The following ANGPT1 variants were observed in gnomAD, a reference collection of about 807,000 sequenced individuals.
ANGPT1 encodes angiopoietin-1.
Under a neutral mutation model 62.2 loss-of-function variants are expected in ANGPT1, and 17 were observed. The observed-to-expected ratio is 0.27, with a 90% CI of 0.19 to 0.41. ANGPT1 has a LOEUF of 0.41. Ranked by LOEUF, ANGPT1 falls within the 10% of genes least tolerant of loss-of-function variation. The pLI, the probability that ANGPT1 is intolerant of heterozygous loss-of-function variation, is 1.00. For synonymous variants in ANGPT1, 199 were observed against 198.9 expected, an observed-to-expected ratio of 1.00 and a Z score of 0.00; for missense variants, 478 against 594.9, an observed-to-expected ratio of 0.80 and a Z score of 2.04.
At chr8:107,382,342 A>T (rs1020672355) in intron 1 of ANGPT1, among the ~76,000 whole-genome samples, 4 of 152,110 alleles carry the variant, frequency 2.6e-5, no homozygotes, top group Non-Finnish European at 5.9e-5. Flanking sequence ...TTTTAGATAC[A>T]TCACATACAA....
At chr8:107,386,819 T>A (rs2130290684) in intron 1 of ANGPT1, among the ~76,000 whole-genome samples, 1 of 152,238 alleles carries the variant, frequency 6.6e-6, no homozygotes, top group South Asian at 2.1e-4. Context: ...AACTAGTTAA[T>A]ACAATTTGCA....
intron 1 of ANGPT1, among the ~76,000 whole-genome samples, chr8:107,390,941 G>T (rs1238213462): frequency 6.6e-6 from 1 of 152,012 alleles, no homozygotes; most frequent in Non-Finnish European, 1.5e-5. Flanking sequence ...CGGAGGGACA[G>T]AACTCCATTA....
At chr8:107,305,416 C>A (rs1425911751) in intron 4 of ANGPT1, among the ~76,000 whole-genome samples, 1 of 151,848 alleles carries the variant, frequency 6.6e-6, no homozygotes, top group African/African-American at 2.4e-5. Context: ...TCTTGTCTGC[C>A]ATCTCTCCTC....
At chr8:107,419,507 T>C (rs1208325187) in intron 1 of ANGPT1, among the ~76,000 whole-genome samples, 2 of 152,312 alleles carry the variant, frequency 1.3e-5, no homozygotes, top group East Asian at 1.9e-4. Context: ...CCACTCTTCA[T>C]CAACCTAAGC....
chr8:107,420,632 T>C (rs1242951704), intron 1 of ANGPT1, among the ~76,000 whole-genome samples: 2 of 152,120 alleles, frequency 1.3e-5, no homozygotes, highest in African/African-American at 4.8e-5. Context: ...ATACTCTCCT[T>C]ATCAACCCTG....
chr8:107,401,886 A>G (rs575236325), intron 1 of ANGPT1, among the ~76,000 whole-genome samples: 1 of 152,338 alleles, frequency 6.6e-6, no homozygotes, highest in African/African-American at 2.4e-5. Flanking sequence ...ATTCACGATC[A>G]GTGCTCAAAA....
At chr8:107,309,467 G>C (rs1814797682) in intron 4 of ANGPT1, among the ~76,000 whole-genome samples, 1 of 152,144 alleles carries the variant, frequency 6.6e-6, no homozygotes, top group South Asian at 2.1e-4. Flanking sequence ...ATTTCATAGA[G>C]AAAACATTTT....
At chr8:107,356,560 A>G (rs1182608855) in intron 1 of ANGPT1, among the ~76,000 whole-genome samples, 3 of 152,232 alleles carry the variant, frequency 2.0e-5, no homozygotes, top group African/African-American at 7.2e-5. Flanking sequence ...TATAAAAAAA[A>G]ATAGCCTTAT....
chr8:107,353,937 TACTC>T (rs755593430), intron 1 of ANGPT1, among the ~76,000 whole-genome samples: 1 of 152,110 alleles, frequency 6.6e-6, no homozygotes, highest in Non-Finnish European at 1.5e-5. Flanking sequence ...GGATGTTTGT[TACTC>T]AGCCTCCAAA....
At chr8:107,264,385 CATTCGACAGAAT>C (rs1428850823) in intron 7 of ANGPT1, 34 bp from the exon 8 acceptor site, 1 of 1,604,152 alleles carries the variant, frequency 6.2e-7, no homozygotes, top group Non-Finnish European at 8.5e-7. Context: ...AAAGATAAGC[CATTCGACAGAAT>C]AACAGAACCC....
At position 107,251,893 on chromosome 8, in the gene ANGPT1, G is replaced by A. The variant is rs771962601; in HGVS notation, c.1459C>T (p.Arg487Cys). ...HYFKGPSYSL[R>C]STTMMIRPLD... Reference sequence around the variant, plus strand: ...GGTCGAATCATCATAGTTGTGGAACGTAAGGAGTAACTGGGCCCTTTGAAG... The same window carrying A: ...GGTCGAATCATCATAGTTGTGGAACATAAGGAGTAACTGGGCCCTTTGAAG... The change falls in exon 9 of 9, where the codon CGT becomes TGT. Residue 487 changes from arginine (R) to cysteine (C), a missense_variant. Arg to Cys is a radical substitution (Grantham distance 180). Around this residue, in one of 4 missense-constraint regions of ANGPT1, gnomAD observed 35 missense variants for 49.6 expected, o/e 0.71. Coordinates refer to ENST00000517746, the MANE Select transcript of ANGPT1 (RefSeq NM_001146.5). 8.7e-6 allele frequency: 14 copies of A among 1,613,816 alleles called. No homozygotes were observed. The East Asian group carries it at 8.9e-5, about 10-fold the overall frequency.
At position 107,392,119 on chromosome 8, in the gene ANGPT1, ACTTT is replaced by A. The variant is rs1816847783; in HGVS notation, c.298-45026_298-45023del. On this transcript the variant is annotated intron_variant, in intron 1 of 8. Coordinates refer to ENST00000517746, the MANE Select transcript of ANGPT1 (RefSeq NM_001146.5). ...ATATCCTGGTATGCGAAATCCCATA[ACTTT>A]CTTTATGTTTATACATATAAATATT... Among the ~76,000 whole-genome samples, 6 of 152,098 alleles carry A rather than the reference ACTTT, an allele frequency of 3.9e-5. No individual in the cohort carries two copies. In the South Asian group the frequency reaches 1.0e-3, roughly 26 times the overall value.
intron 3 of ANGPT1, among the ~76,000 whole-genome samples, chr8:107,330,523 T>C (rs73701096): frequency 0.057 from 8,618 of 152,236 alleles, 541 homozygotes; most frequent in African/African-American, 0.16. Context: ...CTATCAGTTA[T>C]AGAGAATTGT....
At chr8:107,311,628 ATAAT>A (rs1195144512) in intron 4 of ANGPT1, among the ~76,000 whole-genome samples, 2 of 152,262 alleles carry the variant, frequency 1.3e-5, no homozygotes, top group African/African-American at 2.4e-5. Context: ...AAGTGGAAGA[ATAAT>A]TAAATATCAA....
chr8:107,328,855 AT>A (rs1435468306), intron 3 of ANGPT1, among the ~76,000 whole-genome samples: 1 of 151,958 alleles, frequency 6.6e-6, no homozygotes, highest in African/African-American at 2.4e-5. Flanking sequence ...GTGAATATCT[AT>A]AAAAAATTTA....
chr8:107,461,968 A>C (rs1812082987), intron 1 of ANGPT1, among the ~76,000 whole-genome samples: 1 of 152,150 alleles, frequency 6.6e-6, no homozygotes, highest in African/African-American at 2.4e-5. Context: ...CCACTAGTTA[A>C]GAACATTTAT....
In ANGPT1 at chr8:107,497,455, C is replaced by A; in HGVS notation, c.104G>T (p.Arg35Leu). 1.2e-6 allele frequency: 2 copies of A among 1,614,102 alleles called. No homozygotes were observed. The highest frequency in any genetic ancestry group is 8.5e-7 in the Non-Finnish European group (1 of 1,180,018). ...SPENSGRRYN[R>L]IQHGQCAYTF... ...GTAGGCACATTGCCCATGTTGAATC[C>A]GGTTATATCTTCTCCCACTGTTTTC... is the stretch of plus-strand genomic sequence containing the variant. Residue 35 changes from arginine (R) to leucine (L), a missense_variant, in exon 1 of 9, where the codon CGG becomes CTG. Physicochemically the swap from Arg to Leu is moderately radical, Grantham distance 102. This residue lies in a region of ANGPT1 where 343 missense variants were observed against 355.4 expected (regional missense o/e 0.97). Transcript: ENST00000517746.
At chr8:107,284,917 A>G (rs914446780) in intron 6 of ANGPT1, 69 bp from the exon 7 acceptor site, 11 of 1,174,824 alleles carry the variant, frequency 9.4e-6, no homozygotes, top group Non-Finnish European at 1.2e-5. Context: ...GCATTTAACT[A>G]TTTTCTAAAT....
intron 1 of ANGPT1, among the ~76,000 whole-genome samples, chr8:107,455,964 G>A (rs567712192): frequency 7.9e-5 from 12 of 152,176 alleles, no homozygotes; most frequent in Admixed American, 7.9e-4. Context: ...AGGACAAGAA[G>A]TCAGAAAGTT....
Sources: allele counts gnomAD v4.1 joint callset (sites outside exome capture counted in the v4.1 genomes callset), GRCh38; gene constraint gnomAD v4.1.1; regional missense constraint gnomAD v4.1.1; transcripts MANE v1.5; gene names NCBI Gene and HGNC (gene_info 2026-07-23, HGNC 2026-07-21).